The following DLGAP2 variants were observed in gnomAD, a reference collection of about 807,000 sequenced individuals.
DLGAP2 encodes DLG associated protein 2, also known as disks large-associated protein 2.
In DLGAP2, 26 loss-of-function variants were observed where a neutral mutation model predicts 100.3. The ratio of observed to expected loss-of-function variants is 0.26; its 90% CI spans 0.19 to 0.36. DLGAP2 has a LOEUF of 0.36. Among genes scored for constraint, DLGAP2 ranks in the 10% least tolerant of loss-of-function variants. The pLI, the probability that DLGAP2 is intolerant of heterozygous loss-of-function variation, is 1.00. For synonymous variants in DLGAP2, 886 were observed against 630.1 expected (o/e 1.41, Z -6.08); for missense variants, 1,858 against 1,453.2 (o/e 1.28, Z -4.53).
intron 5 of DLGAP2, among the ~76,000 whole-genome samples, chr8:1,560,768 T>G (rs1802130022): frequency 6.6e-6 from 1 of 152,204 alleles, no homozygotes; most frequent in African/African-American, 2.4e-5. Context: ...TAAACCAAAA[T>G]TCACACGGAC....
At chr8:1,433,107 C>A (rs1383631842) in intron 3 of DLGAP2, among the ~76,000 whole-genome samples, 1 of 152,162 alleles carries the variant, frequency 6.6e-6, no homozygotes, top group Non-Finnish European at 1.5e-5. Flanking sequence ...CACACGTCCC[C>A]AGTGTGTGGG....
At chr8:931,407 C>CA (rs1036674805) in intron 2 of DLGAP2, among the ~76,000 whole-genome samples, 15 of 152,242 alleles carry the variant, frequency 9.9e-5, no homozygotes, top group African/African-American at 3.6e-4. Flanking sequence ...CTGGAAAAAG[C>CA]ATCAGGAACA....
chr8:1,424,516 C>G (rs1221479529), intron 3 of DLGAP2, among the ~76,000 whole-genome samples: 1 of 152,232 alleles, frequency 6.6e-6, no homozygotes, highest in Admixed American at 6.5e-5. Flanking sequence ...TCTACACATC[C>G]TACGACTTGG....
In DLGAP2 at chr8:1,267,474, G is replaced by T. The variant is rs949758204; in HGVS notation, c.106+8591G>T. 5.3e-5 allele frequency among the ~76,000 whole-genome samples: 8 copies of T among 149,860 alleles called. No homozygotes were observed. In the East Asian group the frequency reaches 1.4e-3, roughly 26 times the overall value. ...CCAGCTAATTGGGAGGCTGAGAATC[G>T]CTTGAACCCAGGAGGTGGAGGTTGC... On this transcript the variant is annotated intron_variant, in intron 3 of 14. Coordinates refer to ENST00000637795, the MANE Select transcript of DLGAP2 (RefSeq NM_001346810.2).
At chr8:1,312,687 A>C (rs1800640594) in intron 3 of DLGAP2, among the ~76,000 whole-genome samples, 2 of 152,246 alleles carry the variant, frequency 1.3e-5, no homozygotes, top group South Asian at 4.1e-4. Flanking sequence ...TACCAGAATA[A>C]AAAATATTTA....
chr8:1,283,920 G>A (rs550681664), intron 3 of DLGAP2, among the ~76,000 whole-genome samples: 60 of 152,314 alleles, frequency 3.9e-4, no homozygotes, highest in African/African-American at 1.4e-3. Context: ...TGAAAACGTG[G>A]AAAATGCTAG....
chr8:738,707 A>G lies in DLGAP2; in HGVS notation c.18+882A>G, dbSNP rs190016965. The G allele has an allele frequency of 2.6e-3, 291 of 110,212 alleles. 3 individuals are homozygous for G. Among genetic ancestry groups the G allele is most frequent in the African/African-American group, 8.9e-3 (242 of 27,318 alleles). 6.8% of individuals were successfully genotyped at this position (110,212 alleles called of 1,614,324 possible). A position where few individuals can be genotyped will look rare whatever the true frequency, so the allele number is the denominator to read the frequency against. The stretch of plus-strand genomic sequence containing the variant: ...GCTGGGCTGGGCTGGGCTGGGCTGG[A>G]CTGGACGCCTCTCCCCGCCCGGCCC... On this transcript the variant is annotated intron_variant, in intron 1 of 14. Coordinates refer to ENST00000637795, the MANE Select transcript of DLGAP2 (RefSeq NM_001346810.2).
At chr8:1,655,449 G>C (rs990874547) in intron 8 of DLGAP2, among the ~76,000 whole-genome samples, 3 of 152,180 alleles carry the variant, frequency 2.0e-5, no homozygotes, top group Admixed American at 6.6e-5. Flanking sequence ...GAATGGCAAT[G>C]CTTGCCATTC....
chr8:1,252,984 G>A (rs954224488), intron 2 of DLGAP2, among the ~76,000 whole-genome samples: 2 of 152,190 alleles, frequency 1.3e-5, no homozygotes, highest in Non-Finnish European at 1.5e-5. Flanking sequence ...GCTGGGCCTC[G>A]CATCTAGGCA....
At chr8:1,298,183 C>T (rs547975511) in intron 3 of DLGAP2, among the ~76,000 whole-genome samples, 6 of 152,188 alleles carry the variant, frequency 3.9e-5, no homozygotes, top group South Asian at 2.1e-4. Context: ...AGAAATGTGG[C>T]GTGCATGAAC....
intron 2 of DLGAP2, among the ~76,000 whole-genome samples, chr8:1,007,637 G>C (rs71528632): frequency 0.14 from 18,991 of 131,084 alleles, 1,704 homozygotes; most frequent in Non-Finnish European, 0.19. Flanking sequence ...TTTTTTTTTG[G>C]GGGGGGGATC....
chr8:1,432,981 A>G (rs1288081934), intron 3 of DLGAP2, among the ~76,000 whole-genome samples: 4 of 151,952 alleles, frequency 2.6e-5, no homozygotes, highest in Non-Finnish European at 5.9e-5. Flanking sequence ...CTGCTCCAGG[A>G]CTCACAGGCG....
intron 1 of DLGAP2, chr8:739,197 C>G (rs1268401141): frequency 6.6e-6 from 1 of 152,280 alleles, no homozygotes; most frequent in African/African-American, 2.4e-5. Context: ...GCCGCCGCTT[C>G]TCCCGTCTTC....
intron 3 of DLGAP2, among the ~76,000 whole-genome samples, chr8:1,436,353 A>G (rs1407067780): frequency 2.6e-5 from 4 of 152,160 alleles, no homozygotes; most frequent in Non-Finnish European, 1.5e-5. Flanking sequence ...CATGGGAGAA[A>G]CATGGAGGCT....
At chr8:1,132,838 C>G (rs1225809396) in intron 2 of DLGAP2, among the ~76,000 whole-genome samples, 1 of 152,194 alleles carries the variant, frequency 6.6e-6, no homozygotes, top group Admixed American at 6.5e-5. Flanking sequence ...GCTCATGGAT[C>G]ATAGATGGAT....
At chr8:1,167,974 G>T (rs1243516113) in intron 2 of DLGAP2, among the ~76,000 whole-genome samples, 1 of 151,524 alleles carries the variant, frequency 6.6e-6, no homozygotes, top group Admixed American at 6.6e-5. Flanking sequence ...CTGGTGTGCT[G>T]CACCCATTAA....
chr8:1,589,418 T>A (rs112684599), intron 6 of DLGAP2, among the ~76,000 whole-genome samples: 1,917 of 152,314 alleles, frequency 0.013, 17 homozygotes, highest in Non-Finnish European at 0.019. Flanking sequence ...ATTCCTTGCA[T>A]GTTGCCACAT....
rs1012135544 is a variant in DLGAP2 at position 864,863 on chromosome 8, C to A, written c.19-43049C>A. Among the ~76,000 whole-genome samples the A allele has an allele frequency of 2.6e-5, 4 of 152,208 alleles. No homozygotes were observed. The South Asian group carries it at 8.3e-4, about 32-fold the overall frequency. ...TAATATTTATATTGGTCAGTGTTCTCGTCATTGATAATTATAAGACAAATT... is the reference window on the plus strand; with the variant it reads ...TAATATTTATATTGGTCAGTGTTCTAGTCATTGATAATTATAAGACAAATT... On this transcript the variant is annotated intron_variant, in intron 1 of 14. Coordinates refer to ENST00000637795, the MANE Select transcript of DLGAP2 (RefSeq NM_001346810.2).
Position 957,895 on chromosome 8 carries a change from C to T in DLGAP2, c.73+49929C>T, listed in dbSNP as rs545962805. Among the ~76,000 whole-genome samples the T allele has an allele frequency of 7.9e-5, 12 of 152,058 alleles. No individual in the cohort carries two copies. The South Asian group carries it at 8.3e-4, about 11-fold the overall frequency. The stretch of plus-strand genomic sequence containing the variant: ...TATTGTGGGAAAAATATATTAAAAA[C>T]ATAGGATTTCCCTCACCTGCCATTT... On this transcript the variant is annotated intron_variant, in intron 2 of 14. Coordinates refer to ENST00000637795, the MANE Select transcript of DLGAP2 (RefSeq NM_001346810.2).
Sources: gnomAD v4.1 joint callset for allele counts (sites outside exome capture counted in the v4.1 genomes callset) on GRCh38, gnomAD v4.1.1 for gene constraint, MANE v1.5 for transcripts, NCBI Gene and HGNC (gene_info 2026-07-23, HGNC 2026-07-21) for gene names.